SEZ6L: variants seen among roughly 807,000 people sequenced by gnomAD.
SEZ6L encodes the protein seizure 6-like protein.
SEZ6L carries 37 observed loss-of-function variants against 106.2 expected under a neutral mutation model. That is an observed-to-expected ratio of 0.35 (90% CI 0.27 to 0.46). SEZ6L has a LOEUF of 0.46. Among genes scored for constraint, SEZ6L ranks in the 20% least tolerant of loss-of-function variants. SEZ6L has a pLI of 1.00. For missense variants in SEZ6L, 1,172 were observed against 1,332.8 expected (o/e 0.88, Z 1.88); for synonymous variants, 541 against 570.4 (o/e 0.95, Z 0.73).
intron 1 of SEZ6L, among the ~76,000 whole-genome samples, chr22:26,222,416 A>G (rs2078504424): frequency 6.6e-6 from 1 of 151,946 alleles, no homozygotes; most frequent in East Asian, 1.9e-4. Flanking sequence ...AGCTGCCTTT[A>G]CTCCATTGCA....
At chr22:26,287,047 C>G (rs939344332) in intron 1 of SEZ6L, among the ~76,000 whole-genome samples, 1 of 145,668 alleles carries the variant, frequency 6.9e-6, no homozygotes, top group African/African-American at 2.5e-5. Context: ...CATGCCCGGT[C>G]GAGCTTGTGC....
At chr22:26,187,258 G>A (rs1173266088) in intron 1 of SEZ6L, among the ~76,000 whole-genome samples, 1 of 152,136 alleles carries the variant, frequency 6.6e-6, no homozygotes, top group Non-Finnish European at 1.5e-5. Context: ...AAGTGAAGGG[G>A]GAAAAGCCCC....
chr22:26,275,811 C>T (rs1156868240), intron 1 of SEZ6L, among the ~76,000 whole-genome samples: 1 of 152,192 alleles, frequency 6.6e-6, no homozygotes, highest in Non-Finnish European at 1.5e-5. Context: ...GAAGTGTCCT[C>T]CTTCATCCCC....
intron 9 of SEZ6L, among the ~76,000 whole-genome samples, chr22:26,321,538 C>A (rs562216109): frequency 6.6e-6 from 1 of 152,332 alleles, no homozygotes; most frequent in South Asian, 2.1e-4. Context: ...TTGGCACACA[C>A]TTGGCAGAGT....
rs1282136100 is a variant in SEZ6L at position 26,375,564 on chromosome 22, C to T, written c.2828-11C>T. ...CTGGGAAATGAGGACCTCACTGGCT[C>T]CTGTGTTCAGTAGCAGAAGCGGCAG... On this transcript the variant is annotated splice_polypyrimidine_tract_variant and intron_variant, in intron 14 of 16. Transcript: ENST00000248933. 5 of 1,600,430 alleles carry T rather than the reference C, an allele frequency of 3.1e-6. No homozygotes were observed. The highest frequency in any genetic ancestry group is 1.7e-5 in the Admixed American group (1 of 59,962).
intron 12 of SEZ6L, among the ~76,000 whole-genome samples, chr22:26,363,883 A>G (rs1392154715): frequency 6.6e-6 from 1 of 152,238 alleles, no homozygotes; most frequent in Admixed American, 6.5e-5. Context: ...CCTTGAGGAC[A>G]TTATGCTAAG....
intron 1 of SEZ6L, among the ~76,000 whole-genome samples, chr22:26,213,868 C>T (rs931707659): frequency 1.3e-5 from 2 of 152,176 alleles, no homozygotes; most frequent in Non-Finnish European, 2.9e-5. Flanking sequence ...CTGCAGTGAA[C>T]CGTGATCATG....
At chr22:26,240,230 C>T (rs562262241) in intron 1 of SEZ6L, among the ~76,000 whole-genome samples, 64 of 152,230 alleles carry the variant, frequency 4.2e-4, no homozygotes, top group African/African-American at 1.4e-3. Context: ...TACCCTCTCT[C>T]CTCTTGTGTT....
chr22:26,241,689 A>T (rs1426754364), intron 1 of SEZ6L, among the ~76,000 whole-genome samples: 2 of 152,214 alleles, frequency 1.3e-5, no homozygotes, highest in South Asian at 4.1e-4. Context: ...AAAAAAGTTG[A>T]TAATAACCAT....
In SEZ6L at chr22:26,348,703, A is replaced by AAGGAAGAAAGGAAGGAAGG. The variant is rs2083149621; in HGVS notation, c.2407+793_2407+794insAAGAAAGGAAGGAAGGAGG. Among the ~76,000 whole-genome samples, 59 of 41,470 alleles carry AAGGAAGAAAGGAAGGAAGG rather than the reference A, an allele frequency of 1.4e-3. 1 individual carries two copies. The highest frequency in any genetic ancestry group is 4.8e-3 in the East Asian group (5 of 1,050). The allele number at this position is 41,470 out of a possible 152,430, so 27.2% of individuals were successfully genotyped here. On this transcript the variant is annotated intron_variant, in intron 11 of 16. Coordinates refer to ENST00000248933, the MANE Select transcript of SEZ6L (RefSeq NM_021115.5). ...GAAAGAAAGAAAGAAAGAAAGAAAGAAGGCAAGGGAGGGAAGGGAGGGAAG... is the reference window on the plus strand; with the variant it reads ...GAAAGAAAGAAAGAAAGAAAGAAAGAAGGAAGAAAGGAAGGAAGGAGGCAAGGGAGGGAAGGGAGGGAAG...
At chr22:26,312,055 C>T (rs1274610533) in intron 8 of SEZ6L, 93 bp downstream of exon 8, 8 of 1,230,544 alleles carry the variant, frequency 6.5e-6, no homozygotes, top group Non-Finnish European at 9.2e-6. Flanking sequence ...GGCCTGTCCC[C>T]AGTTTTCATA....
At position 26,204,872 on chromosome 22, in the gene SEZ6L, C is replaced by A. The variant is rs185169122; in HGVS notation, c.94+35109C>A. Among the ~76,000 whole-genome samples the A allele has an allele frequency of 5.1e-4, 77 of 152,344 alleles. 1 individual carries two copies. Among genetic ancestry groups the A allele is most frequent in the Middle Eastern group, 3.4e-3 (1 of 294 alleles). The stretch of plus-strand genomic sequence containing the variant: ...CTTTTTCAAGAAACTTCACAGCAAT[C>A]TGTGCAGTGGTTCTGTTCACTGCCC... On this transcript the variant is annotated intron_variant, in intron 1 of 16. Transcript: ENST00000248933.
intron 9 of SEZ6L, among the ~76,000 whole-genome samples, chr22:26,336,366 C>A (rs1229873888): frequency 6.6e-6 from 1 of 152,174 alleles, no homozygotes; most frequent in Non-Finnish European, 1.5e-5. Context: ...GTGAAACCTG[C>A]TCATCAATCC....
chr22:26,182,172 T>A (rs376191376), intron 1 of SEZ6L, among the ~76,000 whole-genome samples: 8 of 152,212 alleles, frequency 5.3e-5, no homozygotes, highest in Admixed American at 2.6e-4. Flanking sequence ...GTGTTATTGT[T>A]CTTAATTAGT....
At chr22:26,291,668 AAG>A (rs1215439474) in intron 1 of SEZ6L, among the ~76,000 whole-genome samples, 1 of 152,150 alleles carries the variant, frequency 6.6e-6, no homozygotes, top group Non-Finnish European at 1.5e-5. Context: ...CAGCTTAGAA[AAG>A]AGAGTGTGGC....
At chr22:26,362,106 G>A (rs187975328) in intron 12 of SEZ6L, among the ~76,000 whole-genome samples, 281 of 152,154 alleles carry the variant, frequency 1.8e-3, no homozygotes, top group Non-Finnish European at 2.6e-3. Context: ...CCCAAGGCAC[G>A]CTCTGCAGGG....
chr22:26,272,912 C>A (rs1439030024), intron 1 of SEZ6L, among the ~76,000 whole-genome samples: 2 of 152,226 alleles, frequency 1.3e-5, no homozygotes, highest in African/African-American at 2.4e-5. Flanking sequence ...CATCTCTGAG[C>A]CTCATTTTCC....
intron 1 of SEZ6L, among the ~76,000 whole-genome samples, chr22:26,264,106 A>T (rs2080102113): frequency 6.6e-6 from 1 of 152,262 alleles, no homozygotes. Flanking sequence ...CAGATCAAGG[A>T]TTCCAGTCAC....
At chr22:26,378,610 C>T (rs1429694502) in intron 16 of SEZ6L, among the ~76,000 whole-genome samples, 2 of 152,144 alleles carry the variant, frequency 1.3e-5, no homozygotes, top group Admixed American at 6.5e-5. Context: ...TTGGGGAAGG[C>T]ATCATTGAGA....
Sources: allele counts gnomAD v4.1 joint callset (sites outside exome capture counted in the v4.1 genomes callset), GRCh38; gene constraint gnomAD v4.1.1; transcripts MANE v1.5; gene names NCBI Gene and HGNC (gene_info 2026-07-23, HGNC 2026-07-21).